PRKG1: variants seen among roughly 807,000 people sequenced by gnomAD.
PRKG1 encodes the protein cGMP-dependent protein kinase 1.
A neutral mutation model predicts 88.1 loss-of-function variants in PRKG1; 35 were observed. The ratio of observed to expected loss-of-function variants is 0.40; its 90% CI spans 0.30 to 0.53. PRKG1 has a LOEUF of 0.53. PRKG1 is among the 20% of genes least tolerant of loss of function. The probability of loss-of-function intolerance (pLI) is 0.59; values close to 1 mark genes in which losing one functional copy is unlikely to be tolerated. For missense variants in PRKG1, 540 were observed against 839.8 expected (o/e 0.64, Z 4.41); for synonymous variants, 303 against 292.5 (o/e 1.04, Z -0.37).
intron 5 of PRKG1, among the ~76,000 whole-genome samples, chr10:51,971,185 A>G (rs747607237): frequency 6.6e-6 from 1 of 151,948 alleles, no homozygotes; most frequent in Non-Finnish European, 1.5e-5. Flanking sequence ...GATGGACAAA[A>G]TCATAATAAA....
intron 3 of PRKG1, among the ~76,000 whole-genome samples, chr10:51,470,644 A>G (rs917557665): frequency 2.0e-5 from 3 of 151,956 alleles, no homozygotes; most frequent in African/African-American, 4.8e-5. Context: ...AGTTTTTACA[A>G]TTGTATCAGG....
chr10:52,087,729 A>C lies in PRKG1; in HGVS notation c.935+25098A>C, dbSNP rs188947131. ...GCCACTAAATTGCATCTGGCAACCA[A>C]GAACAGAGTGAATTTGGCTATTCTT... On this transcript the variant is annotated intron_variant, in intron 7 of 17. Transcript: ENST00000373980. Among the ~76,000 whole-genome samples, 7 of 152,338 alleles carry C rather than the reference A, an allele frequency of 4.6e-5. No individual in the cohort carries two copies. The East Asian group carries it at 1.3e-3, about 29-fold the overall frequency.
rs982781294 is a variant in PRKG1, at chr10:51,001,860, T to A, written c.266+10216T>A. On this transcript the variant is annotated intron_variant, in intron 1 of 17. Coordinates refer to the PRKG1 transcript ENST00000401604. ...GGCTCCACTAGGAGTTTGAAATGGCTTTTAGTTGAATTTTAAAATATATTG... is the reference window on the plus strand; with the variant it reads ...GGCTCCACTAGGAGTTTGAAATGGCATTTAGTTGAATTTTAAAATATATTG... 6.6e-5 allele frequency among the ~76,000 whole-genome samples: 10 copies of A among 152,342 alleles called. No homozygotes were observed. The East Asian group carries it at 1.7e-3, about 26-fold the overall frequency.
At chr10:52,068,709 A>C (rs937120716) in intron 7 of PRKG1, among the ~76,000 whole-genome samples, 29 of 152,182 alleles carry the variant, frequency 1.9e-4, no homozygotes, top group African/African-American at 6.5e-4. Context: ...TCATCATACC[A>C]GCACTGTTCT....
intron 1 of PRKG1, among the ~76,000 whole-genome samples, chr10:51,130,181 T>A (rs2131935572): frequency 6.6e-6 from 1 of 152,306 alleles, no homozygotes; most frequent in Middle Eastern, 3.4e-3. Context: ...AGCCTATGAA[T>A]CATCTTAATA....
At chr10:51,513,028 T>A (rs1326099448) in intron 3 of PRKG1, among the ~76,000 whole-genome samples, 1 of 150,760 alleles carries the variant, frequency 6.6e-6, no homozygotes, top group Non-Finnish European at 1.5e-5. Flanking sequence ...CTTCGCCCAC[T>A]TTTTGATGGG....
At chr10:51,082,842 T>C (rs1250220087) in intron 1 of PRKG1, among the ~76,000 whole-genome samples, 3 of 152,144 alleles carry the variant, frequency 2.0e-5, no homozygotes, top group South Asian at 2.1e-4. Context: ...TTCTCAAACA[T>C]AGCTGTATGT....
chr10:51,697,059 G>T (rs1412116008), intron 3 of PRKG1: 1 of 152,162 alleles, frequency 6.6e-6, no homozygotes, highest in East Asian at 1.9e-4. Flanking sequence ...TGGGATAAAT[G>T]AAGCAACAGT....
intron 4 of PRKG1, among the ~76,000 whole-genome samples, chr10:51,866,963 G>T (rs528259116): frequency 6.6e-6 from 1 of 152,232 alleles, no homozygotes; most frequent in African/African-American, 2.4e-5. Flanking sequence ...CATGATGGAG[G>T]TATATAAAAT....
intron 2 of PRKG1, among the ~76,000 whole-genome samples, chr10:51,273,658 T>A (rs1840040233): frequency 6.6e-6 from 1 of 152,216 alleles, no homozygotes; most frequent in African/African-American, 2.4e-5. Flanking sequence ...CTGGGACATC[T>A]CACATAAGAA....
intron 5 of PRKG1, among the ~76,000 whole-genome samples, chr10:52,004,750 A>G (rs528628705): frequency 2.0e-5 from 3 of 152,298 alleles, no homozygotes; most frequent in Admixed American, 6.5e-5. Flanking sequence ...TTCATTCAGC[A>G]TGTTCTATTT....
At chr10:52,034,269 C>T (rs1845547692) in intron 5 of PRKG1, among the ~76,000 whole-genome samples, 1 of 147,854 alleles carries the variant, frequency 6.8e-6, no homozygotes, top group Non-Finnish European at 1.5e-5. Context: ...GTTGGGGCGG[C>T]AAAAATTTTT....
rs139662773 is a variant in PRKG1 at position 51,050,327 on chromosome 10, C to T, written c.266+58683C>T. On this transcript the variant is annotated intron_variant, in intron 1 of 17. Transcript: ENST00000401604. Reference sequence around the variant, plus strand: ...TTGACTAATACCTTCCTGTTTTCCCCTCCCCCAACCCCTGGCAACCACCAT... The same window carrying T: ...TTGACTAATACCTTCCTGTTTTCCCTTCCCCCAACCCCTGGCAACCACCAT... Among the ~76,000 whole-genome samples the T allele has an allele frequency of 7.5e-3, 1,139 of 152,024 alleles. 17 individuals carry two copies. The highest frequency in any genetic ancestry group is 0.027 in the African/African-American group (1,101 of 41,504).
chr10:51,319,082 TA>T (rs1343623721), intron 2 of PRKG1, among the ~76,000 whole-genome samples: 1 of 152,244 alleles, frequency 6.6e-6, no homozygotes, highest in Non-Finnish European at 1.5e-5. Flanking sequence ...ATTGGTTTCT[TA>T]CACATTCCTG....
intron 3 of PRKG1, among the ~76,000 whole-genome samples, chr10:51,650,402 A>C (rs1473836304): frequency 6.6e-6 from 1 of 152,194 alleles, no homozygotes; most frequent in African/African-American, 2.4e-5. Flanking sequence ...CATACTAAGC[A>C]TAGTATCTTT....
intron 3 of PRKG1, among the ~76,000 whole-genome samples, chr10:51,704,141 C>CA (rs34997783): frequency 0.27 from 21,701 of 79,244 alleles, 2,007 homozygotes; most frequent in East Asian, 0.39. Context: ...GAAACTGTCT[C>CA]AAAAAAAAAA....
At chr10:50,994,464 G>A (rs1264295874) in intron 1 of PRKG1, among the ~76,000 whole-genome samples, 1 of 142,192 alleles carries the variant, frequency 7.0e-6, no homozygotes, top group Non-Finnish European at 1.5e-5. Flanking sequence ...GGCTGGAGTG[G>A]AGTGGTGCGA....
intron 1 of PRKG1, among the ~76,000 whole-genome samples, chr10:51,140,097 A>G (rs546495428): frequency 1.1e-4 from 16 of 152,246 alleles, no homozygotes; most frequent in African/African-American, 3.1e-4. Context: ...CCTTTCCTTT[A>G]GATTTCCTAT....
intron 3 of PRKG1, among the ~76,000 whole-genome samples, chr10:51,475,363 T>G (rs1214323685): frequency 6.6e-6 from 1 of 151,868 alleles, no homozygotes; most frequent in Non-Finnish European, 1.5e-5. Flanking sequence ...GAAAGGAAAT[T>G]TTGGGGGTGG....
Sources: allele counts gnomAD v4.1 joint callset (sites outside exome capture counted in the v4.1 genomes callset), GRCh38; gene constraint gnomAD v4.1.1; transcripts MANE v1.5; gene names NCBI Gene and HGNC (gene_info 2026-07-23, HGNC 2026-07-21).